TRIO: variants seen among roughly 807,000 people sequenced by gnomAD.
The protein encoded by TRIO is trio Rho guanine nucleotide exchange factor.
A neutral mutation model predicts 351.9 loss-of-function variants in TRIO; 58 were observed. The ratio of observed to expected loss-of-function variants is 0.16; its 90% CI spans 0.13 to 0.21. The LOEUF is 0.21. Ranked by LOEUF, TRIO falls within the 10% of genes least tolerant of loss-of-function variation. TRIO has a pLI of 1.00. For synonymous variants in TRIO, 1,758 were observed against 1,595.7 expected, an observed-to-expected ratio of 1.10 and a Z score of -2.42; for missense variants, 3,201 against 4,027.8, an observed-to-expected ratio of 0.79 and a Z score of 5.56.
At position 14,369,535 on chromosome 5, in the gene TRIO, G is replaced by T. The variant is rs765498435; in HGVS notation, c.3216+12G>T. 2.2e-5 allele frequency: 36 copies of T among 1,611,228 alleles called. No individual in the cohort carries two copies. The East Asian group carries it at 7.6e-4, about 34-fold the overall frequency. On this transcript the variant is annotated intron_variant, in intron 18 of 56. Transcript: ENST00000344204. ...AGGCATTCCTGAAGGTAGGGGCAGC[G>T]CTGCGGGACAGTGCACCCATCAGAG...
At chr5:14,269,689 G>A (rs1795877954) in intron 1 of TRIO, among the ~76,000 whole-genome samples, 1 of 152,138 alleles carries the variant, frequency 6.6e-6, no homozygotes, top group African/African-American at 2.4e-5. Flanking sequence ...AATGTTCCCT[G>A]TAGCAGGGCT....
chr5:14,193,054 T>C (rs1421480912), intron 1 of TRIO, among the ~76,000 whole-genome samples: 2 of 152,208 alleles, frequency 1.3e-5, no homozygotes, highest in Admixed American at 1.3e-4. Context: ...CTCAGATATG[T>C]TGATAATTAC....
chr5:14,175,731 CAAT>C (rs1205793103), intron 1 of TRIO, among the ~76,000 whole-genome samples: 1 of 152,186 alleles, frequency 6.6e-6, no homozygotes, highest in Non-Finnish European at 1.5e-5. Context: ...CTCCCCTGTA[CAAT>C]AATGTAGCCT....
Position 14,497,110 on chromosome 5 carries a change from G to A in TRIO, c.8019+93G>A. 1 of 1,523,974 alleles carries A rather than the reference G, an allele frequency of 6.6e-7. No individual in the cohort carries two copies. The highest frequency in any genetic ancestry group is 2.1e-5 in the Admixed American group (1 of 47,756). The allele number at this position is 1,523,974 out of a possible 1,614,324, so 94.4% of individuals were successfully genotyped here. On this transcript the variant is annotated intron_variant, in intron 50 of 56. Transcript: ENST00000344204. This position sits in a 1 kb window ranked among gnomAD's most constrained non-coding sequence, Gnocchi z 4.4. The stretch of plus-strand genomic sequence containing the variant: ...ACTCTGCAGACCTGAAGCTGGGCTT[G>A]CTTATGACCTCCCTCCCACCCACCA...
rs115818162 is a variant in TRIO at position 14,152,945 on chromosome 5, T to C, written c.157+9063T>C. On this transcript the variant is annotated intron_variant, in intron 1 of 56. Coordinates refer to ENST00000344204, the MANE Select transcript of TRIO (RefSeq NM_007118.4). ...GTTGGTATACATATTACTTTTCCAA[T>C]ATTTAATTGCAGAATTTGCAGGATT... Among the ~76,000 whole-genome samples the C allele has an allele frequency of 3.2e-3, 491 of 152,348 alleles. 3 individuals carry two copies. Among genetic ancestry groups the C allele is most frequent in the African/African-American group, 0.011 (459 of 41,582 alleles).
intron 13 of TRIO, among the ~76,000 whole-genome samples, chr5:14,360,285 G>C (rs1288840168): frequency 6.6e-6 from 1 of 152,198 alleles, no homozygotes; most frequent in Non-Finnish European, 1.5e-5. Context: ...GAGTGGTTCT[G>C]GGTTCTGTGC....
chr5:14,331,735 G>C (rs895660011), intron 10 of TRIO, among the ~76,000 whole-genome samples: 8 of 152,078 alleles, frequency 5.3e-5, no homozygotes, highest in African/African-American at 1.9e-4. Context: ...GAAGCACTTG[G>C]ATCCATTTTG....
At chr5:14,262,308 G>A (rs1184127718) in intron 1 of TRIO, among the ~76,000 whole-genome samples, 1 of 152,024 alleles carries the variant, frequency 6.6e-6, no homozygotes, top group African/African-American at 2.4e-5. Flanking sequence ...TGAAGAAGAG[G>A]TGTGTGTTGG....
At chr5:14,379,051 C>T (rs1745829916) in intron 20 of TRIO, among the ~76,000 whole-genome samples, 1 of 152,144 alleles carries the variant, frequency 6.6e-6, no homozygotes, top group Non-Finnish European at 1.5e-5. Context: ...TCTGTTTTGC[C>T]TTAATGGTTG....
intron 9 of TRIO, among the ~76,000 whole-genome samples, chr5:14,319,018 T>C (rs535629927): frequency 1.6e-4 from 25 of 152,346 alleles, no homozygotes; most frequent in African/African-American, 5.5e-4. Context: ...GGGAATAGGC[T>C]GAATCTGGCT....
chr5:14,376,517 A>G (rs1362212903), intron 19 of TRIO, among the ~76,000 whole-genome samples: 3 of 152,214 alleles, frequency 2.0e-5, no homozygotes, highest in African/African-American at 7.2e-5. Context: ...ATGGGACTAT[A>G]TTACCTTGCA....
chr5:14,283,056 GCT>G (rs1270950577), intron 3 of TRIO, among the ~76,000 whole-genome samples: 1 of 152,124 alleles, frequency 6.6e-6, no homozygotes, highest in Non-Finnish European at 1.5e-5. Flanking sequence ...CAGCAGGAGC[GCT>G]GTTTGGTTTT....
intron 48 of TRIO, chr5:14,488,590 G>A: frequency 2.0e-6 from 1 of 491,080 alleles, no homozygotes; most frequent in East Asian, 3.2e-5. Flanking sequence ...CTATTTTTTG[G>A]AGGGTTCCTT....
At chr5:14,315,252 T>C (rs1389379504) in intron 8 of TRIO, among the ~76,000 whole-genome samples, 3 of 125,664 alleles carry the variant, frequency 2.4e-5, no homozygotes, top group African/African-American at 4.0e-5. Context: ...CTTGCTCCTC[T>C]TTTTTTTTTT....
At chr5:14,337,438 G>A (rs1741524410) in intron 11 of TRIO, among the ~76,000 whole-genome samples, 3 of 152,160 alleles carry the variant, frequency 2.0e-5, no homozygotes, top group African/African-American at 7.2e-5. Context: ...CCTTACTTCT[G>A]TGTAAAAAAG....
intron 1 of TRIO, among the ~76,000 whole-genome samples, chr5:14,256,711 G>A (rs1163132828): frequency 6.6e-6 from 1 of 152,160 alleles, no homozygotes; most frequent in Non-Finnish European, 1.5e-5. Context: ...AAAACCACCA[G>A]GCCCCTTAGA....
chr5:14,159,381 G>A (rs1172786983), intron 1 of TRIO, among the ~76,000 whole-genome samples: 1 of 151,702 alleles, frequency 6.6e-6, no homozygotes, highest in Non-Finnish European at 1.5e-5. Flanking sequence ...AGTCCTGGTG[G>A]TGTCTTTTGA....
intron 20 of TRIO, 56 bp downstream of exon 20, chr5:14,378,183 T>G: frequency 7.6e-7 from 1 of 1,322,058 alleles, no homozygotes; most frequent in East Asian, 2.4e-5. Context: ...CACACCTGTC[T>G]CCACAGAGAG....
rs566399157 is a variant in TRIO, at chr5:14,442,872, CTCTT to C, written c.5204-18141_5204-18138del. ...TAAATTACCTTCTCTCTCTGAACTT[CTCTT>C]TCTTTGTCTGCAAAGTGGGAGTAAC... On this transcript the variant is annotated intron_variant, in intron 34 of 56. Coordinates refer to ENST00000344204, the MANE Select transcript of TRIO (RefSeq NM_007118.4). 8.5e-5 allele frequency among the ~76,000 whole-genome samples: 13 copies of C among 152,336 alleles called. No homozygotes were observed. The East Asian group carries it at 2.5e-3, about 29-fold the overall frequency.
Sources: allele counts gnomAD v4.1 joint callset (sites outside exome capture counted in the v4.1 genomes callset), GRCh38; gene constraint gnomAD v4.1.1; non-coding constraint Gnocchi (gnomAD v3.1); transcripts MANE v1.5; gene names NCBI Gene and HGNC (gene_info 2026-07-23, HGNC 2026-07-21).